PPIP5K2: variants seen among roughly 807,000 people sequenced by gnomAD.
PPIP5K2 encodes diphosphoinositol pentakisphosphate kinase 2.
A neutral mutation model predicts 154.6 loss-of-function variants in PPIP5K2; 105 were observed. The ratio of observed to expected loss-of-function variants is 0.68; its 90% CI spans 0.58 to 0.80. The LOEUF is 0.80. Ranked by LOEUF, PPIP5K2 falls within the 30% of genes least tolerant of loss-of-function variation. The pLI is 0.00. For synonymous variants in PPIP5K2, 480 were observed against 490.3 expected (o/e 0.98, Z 0.28); for missense variants, 992 against 1,504.6 (o/e 0.66, Z 5.64).
chr5:103,205,273 T>C lies in PPIP5K2; in HGVS notation c.*3639T>C, dbSNP rs1278993057. ...GGACATCTGGGTTGGTCCCAAGTCT[T>C]TGCTATTGTGAATAGTGCCACAATA... On this transcript the variant is annotated 3_prime_UTR_variant, in exon 31 of 31. Coordinates refer to ENST00000358359, the MANE Select transcript of PPIP5K2 (RefSeq NM_001276277.3). 1.3e-5 allele frequency: 2 copies of C among 152,242 alleles called. No homozygotes were observed. Among genetic ancestry groups the C allele is most frequent in the African/African-American group, 4.8e-5 (2 of 41,460 alleles). The allele number at this position is 152,242 out of a possible 1,614,324, so 9.4% of individuals were successfully genotyped here.
Position 103,168,256 on chromosome 5 carries a change from T to C in PPIP5K2, c.2247T>C (p.Tyr749=). Residue 749 remains tyrosine, a synonymous_variant, in exon 19 of 31, where the codon TAT becomes TAC. Transcript: ENST00000358359. ...AATTAGAAAACACAATGGAATTATATAGGCTTTCGAAGGCATTAGCAGATA... is the reference window on the plus strand; with the variant it reads ...AATTAGAAAACACAATGGAATTATACAGGCTTTCGAAGGCATTAGCAGATA... The part of the protein sequence containing the change: ...SLKLENTMEL[Y]RLSKALADIV... 6.2e-7 allele frequency: 1 copy of C among 1,609,114 alleles called. No individual in the cohort carries two copies. Among genetic ancestry groups the C allele is most frequent in the Non-Finnish European group, 8.5e-7 (1 of 1,176,354 alleles).
intron 21 of PPIP5K2, chr5:103,176,876 C>A: frequency 7.0e-7 from 1 of 1,436,026 alleles, no homozygotes; most frequent in Non-Finnish European, 9.4e-7. Flanking sequence ...ACCAATGATT[C>A]TCAGAATGAA....
At chr5:103,128,386 CTTATTTATTTAT>C (rs10607990) in intron 1 of PPIP5K2, among the ~76,000 whole-genome samples, 8,909 of 148,360 alleles carry the variant, frequency 0.06, 347 homozygotes, top group Non-Finnish European at 0.078. Context: ...TCTTATAGTT[CTTATTTATTTAT>C]TTATTTATTT....
chr5:103,188,947 A>G (rs927996617), intron 28 of PPIP5K2: 93 of 394,354 alleles, frequency 2.4e-4, no homozygotes, highest in African/African-American at 1.9e-3. Flanking sequence ...TTGAGTTTTA[A>G]GGTTTCCTTT....
chr5:103,148,710 C>T (rs920419854), intron 7 of PPIP5K2, among the ~76,000 whole-genome samples: 1 of 152,124 alleles, frequency 6.6e-6, no homozygotes, highest in Middle Eastern at 3.2e-3. Flanking sequence ...CTGAATACAT[C>T]ATGCTGTTCA....
At chr5:103,141,691 G>C (rs1260423587) in intron 5 of PPIP5K2, among the ~76,000 whole-genome samples, 1 of 152,108 alleles carries the variant, frequency 6.6e-6, no homozygotes, top group Non-Finnish European at 1.5e-5. Context: ...GCAGAGTGTC[G>C]ATTGGTGCAT....
In PPIP5K2 at chr5:103,207,034, C is replaced by T. The variant is rs1426998804; in HGVS notation, c.*5400C>T. 1.3e-5 allele frequency: 2 copies of T among 152,292 alleles called. No individual in the cohort carries two copies. The highest frequency in any genetic ancestry group is 6.5e-5 in the Admixed American group (1 of 15,274). 9.4% of individuals were successfully genotyped at this position (152,292 alleles called of 1,614,324 possible). A position where few individuals can be genotyped will look rare whatever the true frequency, so the allele number is the denominator to read the frequency against. On this transcript the variant is annotated 3_prime_UTR_variant, in exon 31 of 31. Transcript: ENST00000358359. ...CCAAGGCCCCCTGATAAGGAAGACT[C>T]AGCATGGAGGTACCTGGTCTAGGAA...
intron 23 of PPIP5K2, 98 bp downstream of exon 23, chr5:103,178,078 AT>A (rs1798977696): frequency 1.2e-6 from 1 of 800,834 alleles, no homozygotes; most frequent in Non-Finnish European, 2.0e-6. Flanking sequence ...AATAATTCTT[AT>A]TTTAACTTCT....
At chr5:103,154,207 CT>C (rs1554212287) in intron 11 of PPIP5K2, among the ~76,000 whole-genome samples, 9 of 152,110 alleles carry the variant, frequency 5.9e-5, no homozygotes. Flanking sequence ...GCTTATCACT[CT>C]CTTGTATTGC....
intron 29 of PPIP5K2, among the ~76,000 whole-genome samples, chr5:103,193,168 T>C (rs1801512220): frequency 6.6e-6 from 1 of 152,100 alleles, no homozygotes; most frequent in Admixed American, 6.6e-5. Flanking sequence ...AAGACTAAAA[T>C]CCAGGTCTTC....
chr5:103,194,369 G>A (rs1489836702), intron 29 of PPIP5K2, among the ~76,000 whole-genome samples: 2 of 152,126 alleles, frequency 1.3e-5, no homozygotes, highest in Non-Finnish European at 2.9e-5. Context: ...GCCCAGGCTG[G>A]TCTTGAACTC....
intron 2 of PPIP5K2, among the ~76,000 whole-genome samples, chr5:103,130,101 C>G (rs1023691909): frequency 1.3e-5 from 2 of 152,178 alleles, no homozygotes; most frequent in African/African-American, 4.8e-5. Context: ...CATTAAGCTT[C>G]TGTTACCAAT....
At chr5:103,149,412 C>T (rs1583298704) in intron 8 of PPIP5K2, 99 bp downstream of exon 8, 11 of 1,139,746 alleles carry the variant, frequency 9.7e-6, no homozygotes, top group South Asian at 5.6e-5. Flanking sequence ...AGAAGTAAAC[C>T]GAGAAAGTAA....
In PPIP5K2 at chr5:103,149,268, T is replaced by C. The variant is rs1794225584; in HGVS notation, c.861T>C (p.Asn287=). 1.2e-6 allele frequency: 2 copies of C among 1,613,776 alleles called. No homozygotes were observed. Among genetic ancestry groups the C allele is most frequent in the East Asian group, 2.2e-5 (1 of 44,840 alleles). Residue 287 remains asparagine (N), a synonymous_variant, in exon 8 of 31, where the codon AAT becomes AAC. Coordinates refer to ENST00000358359, the MANE Select transcript of PPIP5K2 (RefSeq NM_001276277.3). ...GKEVRYPVIL[N]AREKLIAWKV... The stretch of plus-strand genomic sequence containing the variant: ...AAGTAAGATACCCTGTTATTCTCAA[T>C]GCACGAGAGAAATTAATTGCTTGGA...
At position 103,133,649 on chromosome 5, in the gene PPIP5K2, G is replaced by A; in HGVS notation, c.310+1G>A. The A allele has an allele frequency of 6.3e-7, 1 of 1,575,548 alleles. No individual in the cohort carries two copies. Among genetic ancestry groups the A allele is most frequent in the Non-Finnish European group, 8.6e-7 (1 of 1,164,508 alleles). On this transcript the variant is annotated splice_donor_variant, in intron 3 of 30. Coordinates refer to ENST00000358359, the MANE Select transcript of PPIP5K2 (RefSeq NM_001276277.3). LOFTEE classifies it high-confidence loss of function. ...TGTCTTATTTCTTTCCATTCTAAAG[G>A]TATTAAGGGGAGTGGGGGAGAAACT...
At chr5:103,163,389 G>A (rs971812286) in intron 17 of PPIP5K2, among the ~76,000 whole-genome samples, 1 of 151,652 alleles carries the variant, frequency 6.6e-6, no homozygotes, top group Admixed American at 6.6e-5. Flanking sequence ...TTTATTCTCT[G>A]TTGTTGCTAT....
chr5:103,167,219 A>G lies in PPIP5K2; in HGVS notation c.1961A>G (p.His654Arg), dbSNP rs1450138967. The G allele has an allele frequency of 1.9e-5, 30 of 1,591,836 alleles. No individual in the cohort carries two copies. The highest frequency in any genetic ancestry group is 2.6e-5 in the Non-Finnish European group (30 of 1,168,082). The stretch of plus-strand genomic sequence containing the variant: ...AGCATTTCTCTTATCAAATCAATGC[A>G]TTTAATTAAAAACCCTGTGAAGACC... ...SGSISLIKSM[H>R]LIKNPVKTCD... The change falls in exon 18 of 31, where the codon CAT becomes CGT. Residue 654 changes from histidine to arginine, a missense_variant. Around this residue, in one of 9 missense-constraint regions of PPIP5K2, gnomAD observed 82 missense variants for 91.8 expected, o/e 0.89. Transcript: ENST00000358359.
In PPIP5K2 at chr5:103,138,454, C is replaced by G. The variant is rs1791957617; in HGVS notation, c.472C>G (p.Pro158Ala). Residue 158 changes from proline (P) to alanine (A), a missense_variant, in exon 5 of 31, where the codon CCA (proline) becomes GCA (alanine). Transcript: ENST00000358359. ...TCGTTATGCTATTTTGAACCGTGAC[C>G]CAAATAATCCCAAAGGTAAGAGTAA... is the stretch of plus-strand genomic sequence containing the variant. ...LPRYAILNRD[P>A]NNPKECNLIE... 6.3e-7 allele frequency: 1 copy of G among 1,599,172 alleles called. No individual in the cohort carries two copies. Among genetic ancestry groups the G allele is most frequent in the Admixed American group, 1.7e-5 (1 of 59,248 alleles).
rs1803635312 is a variant in PPIP5K2 at position 103,208,426 on chromosome 5, G to T, written c.*6792G>T. ...TTTAAGCTCACACAATCCTACCAAG[G>T]TGACAGTGAATCTCCTTATGACAGG... On this transcript the variant is annotated 3_prime_UTR_variant, in exon 31 of 31. Coordinates refer to ENST00000358359, the MANE Select transcript of PPIP5K2 (RefSeq NM_001276277.3). The T allele has an allele frequency of 6.6e-6, 1 of 152,082 alleles. No individual in the cohort carries two copies. The highest frequency in any genetic ancestry group is 1.5e-5 in the Non-Finnish European group (1 of 68,018). 9.4% of individuals were successfully genotyped at this position (152,082 alleles called of 1,614,324 possible). A position where few individuals can be genotyped will look rare whatever the true frequency, so the allele number is the denominator to read the frequency against.
Sources: allele counts gnomAD v4.1 joint callset (sites outside exome capture counted in the v4.1 genomes callset), GRCh38; gene constraint gnomAD v4.1.1; regional missense constraint gnomAD v4.1.1; transcripts MANE v1.5; gene names NCBI Gene and HGNC (gene_info 2026-07-23, HGNC 2026-07-21).